Variants in PIEZO1 observed in about 807,000 individuals in gnomAD.
The protein encoded by PIEZO1 is piezo type mechanosensitive ion channel component 1 (Er blood group).
PIEZO1 carries 296 observed loss-of-function variants against 297.2 expected under a neutral mutation model. That is an observed-to-expected ratio of 1.00 (90% confidence interval 0.91 to 1.10). PIEZO1 has a LOEUF of 1.10. PIEZO1 is among the 50% of genes least tolerant of loss of function. The probability of loss-of-function intolerance (pLI) is 0.00; values close to 1 mark genes in which losing one functional copy is unlikely to be tolerated. For missense variants in PIEZO1, 5,018 were observed against 3,455.5 expected, an observed-to-expected ratio of 1.45 and a Z score of -11.34; for synonymous variants, 2,427 against 1,507.5, an observed-to-expected ratio of 1.61 and a Z score of -14.13.
At chr16:88,784,848 G>A in intron 1 of PIEZO1, 53 bp downstream of exon 1, 1 of 1,280,926 alleles carries the variant, frequency 7.8e-7, no homozygotes, top group Non-Finnish European at 1.0e-6. Flanking sequence ...AGGCCGTGGG[G>A]AGCCGAGACG....
rs543630348 is a variant in PIEZO1, at chr16:88,726,694, G to T, written c.3699+21C>A. 3.0e-3 allele frequency: 4,512 copies of T among 1,524,128 alleles called. 30 individuals carry two copies. Among genetic ancestry groups the T allele is most frequent in the South Asian group, 6.1e-3 (506 of 83,508 alleles). The allele number at this position is 1,524,128 out of a possible 1,614,324, so 94.4% of individuals were successfully genotyped here. A position where few individuals can be genotyped will look rare whatever the true frequency, so the allele number is the denominator to read the frequency against. ...CCAGCGGGGCCCCAGGGCGGTGGGT[G>T]CGGGGGGGCCGGAGGCTCACCGACA... On this transcript the variant is annotated intron_variant, in intron 25 of 50. Coordinates refer to ENST00000301015, the MANE Select transcript of PIEZO1 (RefSeq NM_001142864.4).
Position 88,715,767 on chromosome 16 carries a change from G to A in PIEZO1, c.7404C>T (p.Phe2468=), listed in dbSNP as rs1019161006. 32 of 1,550,266 alleles carry A rather than the reference G, an allele frequency of 2.1e-5. No homozygotes were observed. Among genetic ancestry groups the A allele is most frequent in the African/African-American group, 2.7e-5 (2 of 73,054 alleles). Residue 2468 remains phenylalanine, a synonymous_variant, in exon 51 of 51, where the codon TTC becomes TTT. Transcript: ENST00000301015. ...TGCGGTCCACGCACGGCAGCTCCTC[G>A]AACATAATGGAGTGCGAGATCTCGC... ...FFSEISHSIM[F]EELPCVDRIL...
intron 1 of PIEZO1, among the ~76,000 whole-genome samples, chr16:88,777,518 G>T (rs921922032): frequency 6.6e-6 from 1 of 152,124 alleles, no homozygotes; most frequent in Admixed American, 6.6e-5. Flanking sequence ...CACATTGCGG[G>T]GTCCTCATTG....
intron 44 of PIEZO1, chr16:88,717,545 G>A (rs779718862): frequency 1.4e-5 from 7 of 507,244 alleles, no homozygotes; most frequent in Non-Finnish European, 2.3e-5. Context: ...ACCTCAAAGT[G>A]GATCAAAGAG....
At chr16:88,783,980 G>A (rs1908053156) in intron 1 of PIEZO1, among the ~76,000 whole-genome samples, 1 of 152,264 alleles carries the variant, frequency 6.6e-6, no homozygotes, top group African/African-American at 2.4e-5. Flanking sequence ...CTTGTCCGTG[G>A]GTTAATTCCA....
chr16:88,733,282 G>A lies in PIEZO1; in HGVS notation c.2660C>T (p.Thr887Ile), dbSNP rs1217425395. ...VNPQEYSSNC[T>I]EPFPNSTNLL... The stretch of plus-strand genomic sequence containing the variant: ...CCAGCCCTCGGGGGCCGGTACCTCG[G>A]TGCAGTTGCTGGAATACTCCTGGGG... Residue 887 changes from threonine (T) to isoleucine (I), a missense_variant, in exon 19 of 51, where the codon ACC (threonine) becomes ATC (isoleucine). Thr to Ile is a moderately conservative substitution (Grantham distance 89). Transcript: ENST00000301015. 3 of 1,541,066 alleles carry A rather than the reference G, an allele frequency of 1.9e-6. No homozygotes were observed. Among genetic ancestry groups the A allele is most frequent in the Admixed American group, 2.0e-5 (1 of 50,824 alleles).
At position 88,783,233 on chromosome 16, in the gene PIEZO1, T is replaced by G. The variant is rs1331250896; in HGVS notation, c.64+1668A>C. On this transcript the variant is annotated intron_variant, in intron 1 of 50. Coordinates refer to ENST00000301015, the MANE Select transcript of PIEZO1 (RefSeq NM_001142864.4). ...GGCAGAACCCAGGCCCCCTGACCAA[T>G]GCCCAGGGGGCAGCAAACCACATGT... Among the ~76,000 whole-genome samples the G allele has an allele frequency of 1.3e-5, 2 of 152,254 alleles. 1 individual carries two copies.
At chr16:88,726,101 G>C in intron 27 of PIEZO1, 183 bp downstream of exon 27, 1 of 607,804 alleles carries the variant, frequency 1.6e-6, no homozygotes, top group Non-Finnish European at 2.9e-6. Context: ...CCCAGCACTG[G>C]GGCAGAGTGT....
rs558902378 is a variant in PIEZO1 at position 88,719,664 on chromosome 16, C to A, written c.6381G>T (p.Thr2127=). ...AGCTGGACAGGGACAGCGTGGTGTCCGTCCACACCCAGTCCATCACTGCCC... is the reference window on the plus strand; with the variant it reads ...AGCTGGACAGGGACAGCGTGGTGTCAGTCCACACCCAGTCCATCACTGCCC... The part of the protein sequence containing the change: ...ELRAVMDWVW[T]DTTLSLSSWM... Residue 2127 remains threonine, a synonymous_variant, in exon 44 of 51, where the codon ACG becomes ACT. Coordinates refer to ENST00000301015, the MANE Select transcript of PIEZO1 (RefSeq NM_001142864.4). The A allele has an allele frequency of 1.1e-5, 17 of 1,553,772 alleles. No homozygotes were observed. Among genetic ancestry groups the A allele is most frequent in the Non-Finnish European group, 1.5e-5 (17 of 1,148,914 alleles).
intron 30 of PIEZO1, 21 bp from the exon 31 acceptor site, chr16:88,723,992 G>T: frequency 7.0e-7 from 1 of 1,424,306 alleles, no homozygotes; most frequent in Non-Finnish European, 9.7e-7. Flanking sequence ...GCAGCACTGA[G>T]AGCCAGCCTT....
chr16:88,728,177 G>A (rs759827439), intron 22 of PIEZO1, among the ~76,000 whole-genome samples: 3 of 152,248 alleles, frequency 2.0e-5, no homozygotes, highest in Non-Finnish European at 4.4e-5. Flanking sequence ...CTGCTGACGT[G>A]GCGTTCTGAT....
rs1199193489 is a variant in PIEZO1 at position 88,725,691 on chromosome 16, G to C, written c.3969-7C>G. On this transcript the variant is annotated splice_polypyrimidine_tract_variant and splice_region_variant and intron_variant, in intron 27 of 50. Coordinates refer to ENST00000301015, the MANE Select transcript of PIEZO1 (RefSeq NM_001142864.4). ...GTTGTAGAGGGCGAAGCCCCTGTAG[G>C]GAGGCGGGGATGGGGTGTGAGCACC... is the stretch of plus-strand genomic sequence containing the variant. 2 of 1,457,348 alleles carry C rather than the reference G, an allele frequency of 1.4e-6. No individual in the cohort carries two copies. Among genetic ancestry groups the C allele is most frequent in the Non-Finnish European group, 1.9e-6 (2 of 1,062,616 alleles). The allele number at this position is 1,457,348 out of a possible 1,614,324, so 90.3% of individuals were successfully genotyped here. A position where few individuals can be genotyped will look rare whatever the true frequency, so the allele number is the denominator to read the frequency against.
chr16:88,760,070 T>TCCACGCCTGGCCCACACC (rs1555561300), intron 1 of PIEZO1, among the ~76,000 whole-genome samples: 3 of 140,138 alleles, frequency 2.1e-5, no homozygotes, highest in African/African-American at 7.7e-5. Context: ...TGACACCTGG[T>TCCACGCCTGGCCCACACC]CCACGCCTGG....
At chr16:88,772,519 G>A (rs943160145) in intron 1 of PIEZO1, among the ~76,000 whole-genome samples, 8 of 152,150 alleles carry the variant, frequency 5.3e-5, no homozygotes, top group South Asian at 2.1e-4. Context: ...AGTGGCTCAC[G>A]CCTGTAATCC....
chr16:88,717,000 C>T (rs1379850002), intron 45 of PIEZO1, 23 bp downstream of exon 45: 34 of 1,549,498 alleles, frequency 2.2e-5, no homozygotes, highest in Admixed American at 5.9e-5. Flanking sequence ...TGGGAATGGA[C>T]AGGCGGACCC....
rs1282433111 is a variant in PIEZO1, at chr16:88,720,194, A to G, written c.6039T>C (p.Ser2013=). ...AFLVMLLIQF[S]TMVVDRALYL... is the part of the protein sequence containing the mutation. ...AGAGGGCGCGGTCAACCACCATGGT[A>G]CTGAACTGGATCAGCAGCATGACCA... Residue 2013 remains serine (S), a synonymous_variant, in exon 42 of 51, where the codon AGT becomes AGC. Coordinates refer to ENST00000301015, the MANE Select transcript of PIEZO1 (RefSeq NM_001142864.4). The G allele has an allele frequency of 3.2e-6, 5 of 1,550,530 alleles. No individual in the cohort carries two copies. Among genetic ancestry groups the G allele is most frequent in the East Asian group, 2.4e-5 (1 of 40,918 alleles).
chr16:88,782,934 G>A (rs117143399), intron 1 of PIEZO1, among the ~76,000 whole-genome samples: 1 of 152,204 alleles, frequency 6.6e-6, no homozygotes, highest in African/African-American at 2.4e-5. Context: ...CAGGCCCCAC[G>A]CCCCATCCCC....
chr16:88,721,700 G>T lies in PIEZO1; in HGVS notation c.5241C>A (p.Phe1747Leu). The T allele has an allele frequency of 6.5e-7, 1 of 1,547,926 alleles. No individual in the cohort carries two copies. The highest frequency in any genetic ancestry group is 8.7e-7 in the Non-Finnish European group (1 of 1,146,030). ...TEIAVVVKYL[F>L]QFGFFPWNSH... is the part of the protein sequence containing the mutation. ...TGTTCCAGGGGAAGAACCCAAACTG[G>T]AACAGGTACTTGACGACCACCGCGA... The change falls in exon 38 of 51, where the codon TTC becomes TTA. Residue 1747 changes from phenylalanine to leucine, a missense_variant. Physicochemically the swap from Phe to Leu is conservative, Grantham distance 22. Coordinates refer to ENST00000301015, the MANE Select transcript of PIEZO1 (RefSeq NM_001142864.4).
At chr16:88,727,957 T>C (rs923747626) in intron 22 of PIEZO1, 4 of 249,808 alleles carry the variant, frequency 1.6e-5, no homozygotes, top group Non-Finnish European at 3.1e-5. Flanking sequence ...TATTCCATGA[T>C]AGGACAGTGC....
Sources: allele counts gnomAD v4.1 joint callset (sites outside exome capture counted in the v4.1 genomes callset), GRCh38; gene constraint gnomAD v4.1.1; transcripts MANE v1.5; gene names NCBI Gene and HGNC (gene_info 2026-07-23, HGNC 2026-07-21).